NELL2: variants seen among roughly 807,000 people sequenced by gnomAD.
The protein encoded by NELL2 is neural EGFL like 2.
In NELL2, 41 loss-of-function variants were observed where a neutral mutation model predicts 109.6. That is an observed-to-expected ratio of 0.37 (90% confidence interval 0.29 to 0.49). NELL2 has a LOEUF of 0.49. Among genes scored for constraint, NELL2 ranks in the 20% least tolerant of loss-of-function variants. The pLI is 0.98. For missense variants in NELL2, 900 were observed against 1,008.3 expected, an observed-to-expected ratio of 0.89 and a Z score of 1.45; for synonymous variants, 355 against 344.7, an observed-to-expected ratio of 1.03 and a Z score of -0.33.
intron 15 of NELL2, 40 bp downstream of exon 15, chr12:44,607,129 A>AT (rs142073477): frequency 6.4e-7 from 1 of 1,558,274 alleles, no homozygotes; most frequent in Non-Finnish European, 8.8e-7. Flanking sequence ...ATGCATTGGC[A>AT]TAAAAATTCA....
chr12:44,795,508 G>A (rs554712644), intron 3 of NELL2, among the ~76,000 whole-genome samples: 108 of 152,210 alleles, frequency 7.1e-4, no homozygotes, highest in South Asian at 3.3e-3. Context: ...TCAGTAAATG[G>A]TAACTATTTT....
intron 15 of NELL2, among the ~76,000 whole-genome samples, chr12:44,573,322 A>C (rs1943942615): frequency 6.6e-6 from 1 of 152,216 alleles, no homozygotes; most frequent in African/African-American, 2.4e-5. Flanking sequence ...TGTGAGTAAA[A>C]TAGAAGGAAA....
At chr12:44,719,743 AT>A (rs1938670571) in intron 9 of NELL2, among the ~76,000 whole-genome samples, 1 of 152,106 alleles carries the variant, frequency 6.6e-6, no homozygotes, top group African/African-American at 2.4e-5. Context: ...ATTGTTTGAA[AT>A]TTTGATTCCC....
chr12:44,541,839 A>G (rs531175296), intron 15 of NELL2, among the ~76,000 whole-genome samples: 35 of 152,350 alleles, frequency 2.3e-4, no homozygotes, highest in African/African-American at 8.4e-4. Flanking sequence ...TGAGGTAGGA[A>G]ATATTACTGC....
At chr12:44,588,892 T>G (rs1006565068) in intron 15 of NELL2, among the ~76,000 whole-genome samples, 1 of 152,222 alleles carries the variant, frequency 6.6e-6, no homozygotes, top group African/African-American at 2.4e-5. Flanking sequence ...TGGTAACATC[T>G]AATCGACTTT....
chr12:44,687,582 T>C (rs1592337487), intron 12 of NELL2, among the ~76,000 whole-genome samples: 2 of 152,332 alleles, frequency 1.3e-5, no homozygotes, highest in East Asian at 3.9e-4. Context: ...TTCTTCTTTT[T>C]GAAAGCTAAT....
In NELL2 at chr12:44,784,274, C is replaced by A. The variant is rs150639743; in HGVS notation, c.336-4252G>T. 2.3e-3 allele frequency among the ~76,000 whole-genome samples: 343 copies of A among 151,992 alleles called. 10 individuals are homozygous for A. In the East Asian group the frequency reaches 0.049, roughly 22 times the overall value. ...AACAAGGCAAACCTCTCGTTCCCACCATTCTTATTCAACATAGTGCTGAAA... is the reference window on the plus strand; with the variant it reads ...AACAAGGCAAACCTCTCGTTCCCACAATTCTTATTCAACATAGTGCTGAAA... On this transcript the variant is annotated intron_variant, in intron 3 of 19. Coordinates refer to ENST00000429094, the MANE Select transcript of NELL2 (RefSeq NM_001145108.2).
chr12:44,887,696 A>G (rs1945490373), intron 1 of NELL2, among the ~76,000 whole-genome samples: 1 of 150,786 alleles, frequency 6.6e-6, no homozygotes, highest in Non-Finnish European at 1.5e-5. Flanking sequence ...TTGTTTTGCT[A>G]TTGAGTTGTT....
chr12:44,537,535 AAT>A (rs1007432337), intron 15 of NELL2, among the ~76,000 whole-genome samples: 4 of 152,108 alleles, frequency 2.6e-5, no homozygotes, highest in African/African-American at 9.7e-5. Context: ...CATTAATAAA[AAT>A]ATGACATCAT....
chr12:44,623,557 T>C (rs1946133129), intron 13 of NELL2, among the ~76,000 whole-genome samples: 1 of 151,428 alleles, frequency 6.6e-6, no homozygotes, highest in South Asian at 2.1e-4. Context: ...CTTGATAAGG[T>C]TCCTTAAACT....
Position 44,650,739 on chromosome 12 carries a change from C to A in NELL2, c.1444+14745G>T, listed in dbSNP as rs986822917. 2.8e-5 allele frequency among the ~76,000 whole-genome samples: 4 copies of A among 141,476 alleles called. No individual in the cohort carries two copies. In the Admixed American group the frequency reaches 2.9e-4, roughly 10 times the overall value. The allele number at this position is 141,476 out of a possible 152,430, so 92.8% of individuals were successfully genotyped here. ...TTAATTGTCCTTATAAGAAGAGATA[C>A]CAGAGAGGTCTCTGTCTTTCTTTCT... On this transcript the variant is annotated intron_variant, in intron 13 of 19. Coordinates refer to ENST00000429094, the MANE Select transcript of NELL2 (RefSeq NM_001145108.2).
intron 2 of NELL2, among the ~76,000 whole-genome samples, chr12:44,838,934 A>G (rs1395193542): frequency 2.0e-5 from 3 of 152,226 alleles, no homozygotes; most frequent in African/African-American, 4.8e-5. Context: ...ACATTGAACT[A>G]CAACATTTTC....
chr12:44,532,791 A>G, intron 15 of NELL2, 70 bp from the exon 16 acceptor site: 1 of 1,444,974 alleles, frequency 6.9e-7, no homozygotes, highest in Non-Finnish European at 9.3e-7. Context: ...TTCTGCTACA[A>G]GGCTACTAAA....
At chr12:44,869,239 C>A (rs1398220988) in intron 2 of NELL2, among the ~76,000 whole-genome samples, 1 of 151,308 alleles carries the variant, frequency 6.6e-6, no homozygotes, top group Non-Finnish European at 1.5e-5. Context: ...GAAAAAAAAA[C>A]AATTGCCATA....
intron 2 of NELL2, 118 bp downstream of exon 2, chr12:44,875,107 C>G: frequency 7.3e-7 from 1 of 1,373,068 alleles, no homozygotes; most frequent in South Asian, 1.5e-5. Flanking sequence ...CCTTCTACAC[C>G]TCAGCTAAAG....
At chr12:44,810,832 T>C (rs1257782092) in intron 3 of NELL2, among the ~76,000 whole-genome samples, 1 of 152,146 alleles carries the variant, frequency 6.6e-6, no homozygotes, top group Non-Finnish European at 1.5e-5. Flanking sequence ...CCTTGGGATG[T>C]ATTACCAATT....
At chr12:44,803,329 TG>T (rs1843764228) in intron 3 of NELL2, among the ~76,000 whole-genome samples, 1 of 152,028 alleles carries the variant, frequency 6.6e-6, no homozygotes, top group Admixed American at 6.6e-5. Flanking sequence ...GATGTTTGAA[TG>T]GGGTCTGTAG....
chr12:44,905,316 T>C (rs1245712311), intron 1 of NELL2, among the ~76,000 whole-genome samples: 1 of 151,882 alleles, frequency 6.6e-6, no homozygotes, highest in African/African-American at 2.4e-5. Flanking sequence ...TATCTATATG[T>C]TTTATTTAAT....
intron 1 of NELL2, among the ~76,000 whole-genome samples, chr12:44,889,021 C>T (rs1466663440): frequency 6.6e-6 from 1 of 151,958 alleles, no homozygotes; most frequent in Non-Finnish European, 1.5e-5. Context: ...TAACTAATGC[C>T]TATCTACCCA....
Sources: allele counts gnomAD v4.1 joint callset (sites outside exome capture counted in the v4.1 genomes callset), GRCh38; gene constraint gnomAD v4.1.1; transcripts MANE v1.5; gene names NCBI Gene and HGNC (gene_info 2026-07-23, HGNC 2026-07-21).